Variants in PNISR observed in about 807,000 individuals in gnomAD.
The protein encoded by PNISR is PNN interacting serine and arginine rich protein.
Under a neutral mutation model 93.4 loss-of-function variants are expected in PNISR, and 20 were observed. That is an observed-to-expected ratio of 0.21 (90% CI 0.15 to 0.31). The LOEUF is 0.31. Ranked by LOEUF, PNISR falls within the 10% of genes least tolerant of loss-of-function variation. PNISR has a pLI of 1.00. For missense variants in PNISR, 893 were observed against 985.4 expected, an observed-to-expected ratio of 0.91 and a Z score of 1.25; for synonymous variants, 305 against 306.5, an observed-to-expected ratio of 0.99 and a Z score of 0.05.
At position 99,412,626 on chromosome 6, in the gene PNISR, A is replaced by G; in HGVS notation, c.202T>C (p.Ser68Pro). The G allele has an allele frequency of 6.2e-7, 1 of 1,612,364 alleles. No homozygotes were observed. Among genetic ancestry groups the G allele is most frequent in the Non-Finnish European group, 8.5e-7 (1 of 1,178,888 alleles). The change falls in exon 4 of 12, where the codon TCT becomes CCT. Residue 68 changes from serine (S) to proline (P), a missense_variant. This residue lies in a region of PNISR where 866 missense variants were observed against 935.1 expected (regional missense o/e 0.93). Transcript: ENST00000369239. ...PGMMPNGQDM[S>P]TMESGPNNHG... ...TTGTTTGGACCAGATTCCATTGTAG[A>G]CATATCTTGTCCATTTGGCATCATT...
rs753532454 is a variant in PNISR at position 99,402,643 on chromosome 6, A to C, written c.1224T>G (p.Ser408=). Reference sequence around the variant, plus strand: ...GCCGTAATTCTTCATCATCAGTGTCAGATGACTCAGATCCTCTGTCACTCC... The same window carrying C: ...GCCGTAATTCTTCATCATCAGTGTCCGATGACTCAGATCCTCTGTCACTCC... ...DERSDRGSES[S]DTDDEELRHR... is the part of the protein sequence containing the mutation. Residue 408 remains serine, a synonymous_variant, in exon 11 of 12, where the codon TCT becomes TCG. Coordinates refer to ENST00000369239, the MANE Select transcript of PNISR (RefSeq NM_032870.4). The C allele has an allele frequency of 2.1e-5, 34 of 1,613,304 alleles. No individual in the cohort carries two copies. Among genetic ancestry groups the C allele is most frequent in the Non-Finnish European group, 2.9e-5 (34 of 1,179,442 alleles).
Position 99,400,655 on chromosome 6 carries a change from C to A in PNISR, c.2303G>T (p.Ser768Ile). The stretch of plus-strand genomic sequence containing the variant: ...AGGCTTCTTAGCCTTCTTTTCTTTG[C>A]TACTTCCTGGAGACTCAGAACTGCT... ...GRSSSESPGS[S>I]KEKKAKKPKH... is the part of the protein sequence containing the mutation. Residue 768 changes from serine (S) to isoleucine (I), a missense_variant, in exon 12 of 12, where the codon AGC becomes ATC. Ser to Ile is a moderately radical substitution (Grantham distance 142, BLOSUM62 -2). This residue lies in a region of PNISR where 866 missense variants were observed against 935.1 expected (regional missense o/e 0.93). Transcript: ENST00000369239. 1 of 1,613,956 alleles carries A rather than the reference C, an allele frequency of 6.2e-7. No homozygotes were observed.
chr6:99,407,429 G>C (rs1452914793), intron 7 of PNISR, among the ~76,000 whole-genome samples: 2 of 151,574 alleles, frequency 1.3e-5, no homozygotes, highest in Non-Finnish European at 2.9e-5. Context: ...CACAGATTTT[G>C]CATAGATCTT....
intron 8 of PNISR, among the ~76,000 whole-genome samples, chr6:99,405,184 G>T (rs1775999872): frequency 6.6e-6 from 1 of 152,166 alleles, no homozygotes; most frequent in African/African-American, 2.4e-5. Context: ...AAAATTCCAG[G>T]CTGGGTGCAG....
chr6:99,399,174 T>TC lies in PNISR; in HGVS notation c.*1365dup, dbSNP rs1381022458. On this transcript the variant is annotated 3_prime_UTR_variant, in exon 12 of 12. Coordinates refer to ENST00000369239, the MANE Select transcript of PNISR (RefSeq NM_032870.4). ...ACTTTTCTGTGGCCTGCACCTGTTT[T>TC]CTTTTTAAATTAAAATGTAAAAGCA... is the stretch of plus-strand genomic sequence containing the variant. The TC allele has an allele frequency of 1.9e-4, 29 of 152,134 alleles. No individual in the cohort carries two copies. The highest frequency in any genetic ancestry group is 1.8e-3 in the Admixed American group (27 of 15,266). 9.4% of individuals were successfully genotyped at this position (152,134 alleles called of 1,614,324 possible). A position where few individuals can be genotyped will look rare whatever the true frequency, so the allele number is the denominator to read the frequency against.
In PNISR at chr6:99,400,550, C is replaced by T. The variant is rs1204938196; in HGVS notation, c.2408G>A (p.Arg803Gln). Reference sequence around the variant, plus strand: ...ACTTTAAAAAGTATACTACCTTGATCGGGACTTAGACTTGTGTTTGCGGCT... The same window carrying T: ...ACTTTAAAAAGTATACTACCTTGATTGGGACTTAGACTTGTGTTTGCGGCT... ...KASRKHKSKSRSR is the reference protein window; with the variant it reads ...KASRKHKSKSQSR Residue 803 changes from arginine (R) to glutamine (Q), a missense_variant, in exon 12 of 12, where the codon CGA becomes CAA. Transcript: ENST00000369239. 2.5e-6 allele frequency: 4 copies of T among 1,611,746 alleles called. No individual in the cohort carries two copies. The highest frequency in any genetic ancestry group is 2.7e-5 in the African/African-American group (2 of 74,740).
rs771796544 is a variant in PNISR at position 99,400,849 on chromosome 6, C to T, written c.2109G>A (p.Lys703=). The T allele has an allele frequency of 2.5e-6, 4 of 1,605,020 alleles. No homozygotes were observed. The highest frequency in any genetic ancestry group is 3.4e-6 in the Non-Finnish European group (4 of 1,175,270). ...EKQKREEKDF[K]FSSQDDRLKR... is the part of the protein sequence containing the mutation. ...TTAATCTATCATCCTGACTACTGAA[C>T]TTAAAATCTTTTTCTTCCCTTTTTT... Residue 703 remains lysine, a synonymous_variant, in exon 12 of 12, where the codon AAG becomes AAA. Coordinates refer to ENST00000369239, the MANE Select transcript of PNISR (RefSeq NM_032870.4).
chr6:99,423,521 A>G (rs1778924603), intron 1 of PNISR, among the ~76,000 whole-genome samples: 1 of 152,226 alleles, frequency 6.6e-6, no homozygotes, highest in African/African-American at 2.4e-5. Flanking sequence ...ACGCTACTCC[A>G]GAAGGATGAT....
chr6:99,420,975 G>A, intron 1 of PNISR, among the ~76,000 whole-genome samples: 1 of 152,160 alleles, frequency 6.6e-6, no homozygotes. Flanking sequence ...TCACTGAAAT[G>A]TTAGCAAGTA....
intron 1 of PNISR, among the ~76,000 whole-genome samples, chr6:99,419,866 T>C (rs1227160678): frequency 6.6e-6 from 1 of 152,036 alleles, no homozygotes; most frequent in Non-Finnish European, 1.5e-5. Flanking sequence ...TGTAATTTAG[T>C]AATTTTCTAT....
At chr6:99,410,471 A>C (rs1400258682) in intron 5 of PNISR, 2 of 377,842 alleles carry the variant, frequency 5.3e-6, no homozygotes, top group Admixed American at 4.1e-5. Context: ...TTAGAAAATA[A>C]AACATCATAT....
Position 99,400,891 on chromosome 6 carries a change from A to G in PNISR, c.2067T>C (p.Asp689=). 6.3e-7 allele frequency: 1 copy of G among 1,577,968 alleles called. No homozygotes were observed. The highest frequency in any genetic ancestry group is 8.7e-7 in the Non-Finnish European group (1 of 1,150,760). ...KKDKEREREQ[D]KRKEKQKREE... is the part of the protein sequence containing the mutation. ...CCCTTTTTTGTTTCTCTTTTCTTTT[A>G]TCCTGTTCACGTTCCCTTTCTTTGT... The change falls in exon 12 of 12, where the codon GAT becomes GAC. Residue 689 remains aspartate (D), a synonymous_variant. Transcript: ENST00000369239.
intron 1 of PNISR, among the ~76,000 whole-genome samples, chr6:99,420,116 C>T (rs545829377): frequency 1.3e-5 from 2 of 152,292 alleles, no homozygotes; most frequent in South Asian, 4.1e-4. Flanking sequence ...ATCTCCTGAC[C>T]TCGTGATCCT....
intron 4 of PNISR, chr6:99,412,330 G>T: frequency 1.5e-6 from 1 of 659,858 alleles, no homozygotes; most frequent in Non-Finnish European, 2.8e-6. Flanking sequence ...TAGGAATGAA[G>T]AACCAAGAAA....
chr6:99,406,143 G>A lies in PNISR; in HGVS notation c.890C>T (p.Thr297Ile). 6.2e-7 allele frequency: 1 copy of A among 1,609,894 alleles called. No homozygotes were observed. Among genetic ancestry groups the A allele is most frequent in the Non-Finnish European group, 8.5e-7 (1 of 1,176,386 alleles). The change falls in exon 8 of 12, where the codon ACT becomes ATT. Residue 297 changes from threonine (T) to isoleucine (I), a missense_variant. By Grantham distance (89) the Thr-to-Ile change is moderately conservative. Around this residue, in one of 3 missense-constraint regions of PNISR, gnomAD observed 866 missense variants for 935.1 expected, o/e 0.93. Transcript: ENST00000369239. ...ACTACTTGCAGCCTCAACATTTTCA[G>A]TGTCTTCTTCTTCCTCATCACTATC... ...KFDSDEEEEDTENVEAASSGK... is the reference protein window; with the variant it reads ...KFDSDEEEEDIENVEAASSGK...
intron 3 of PNISR, 63 bp from the exon 4 acceptor site, chr6:99,412,802 A>T (rs1228600968): frequency 1.0e-6 from 1 of 988,856 alleles, no homozygotes; most frequent in African/African-American, 1.6e-5. Context: ...TAGTGCCTCT[A>T]TGTAAAATAA....
intron 1 of PNISR, among the ~76,000 whole-genome samples, chr6:99,420,292 C>A (rs918697028): frequency 5.9e-5 from 9 of 152,180 alleles, no homozygotes; most frequent in African/African-American, 2.2e-4. Flanking sequence ...TTTTGATAAT[C>A]TTATCCAAAA....
chr6:99,408,831 G>C (rs973458925), intron 6 of PNISR, among the ~76,000 whole-genome samples: 5 of 152,154 alleles, frequency 3.3e-5, no homozygotes, highest in Non-Finnish European at 7.4e-5. Flanking sequence ...AGAGTGGACA[G>C]AGATTGAACA....
In PNISR at chr6:99,399,647, A is replaced by G. The variant is rs1343597715; in HGVS notation, c.*893T>C. ...GATTCCAGCAATTTCATTTTACAGG[A>G]GTGAACCACACGTTATACACACAGA... is the stretch of plus-strand genomic sequence containing the variant. On this transcript the variant is annotated 3_prime_UTR_variant, in exon 12 of 12. Transcript: ENST00000369239. 6.6e-6 allele frequency: 1 copy of G among 152,156 alleles called. No homozygotes were observed. Among genetic ancestry groups the G allele is most frequent in the East Asian group, 1.9e-4 (1 of 5,196 alleles). The allele number at this position is 152,156 out of a possible 1,614,324, so 9.4% of individuals were successfully genotyped here.
Sources: allele counts gnomAD v4.1 joint callset (sites outside exome capture counted in the v4.1 genomes callset), GRCh38; gene constraint gnomAD v4.1.1; regional missense constraint gnomAD v4.1.1; transcripts MANE v1.5; gene names NCBI Gene and HGNC (gene_info 2026-07-23, HGNC 2026-07-21).